Variants in PCDH15 observed in about 807,000 individuals in gnomAD.
The protein encoded by PCDH15 is protocadherin-15.
PCDH15 carries 129 observed loss-of-function variants against 178.5 expected under a neutral mutation model. That is an observed-to-expected ratio of 0.72 (90% CI 0.63 to 0.84). The LOEUF (loss-of-function observed/expected upper bound fraction) is 0.84, where lower values mean the gene tolerates loss of function less well. Among genes scored for constraint, PCDH15 ranks in the 40% least tolerant of loss-of-function variants. The pLI, the probability that PCDH15 is intolerant of heterozygous loss-of-function variation, is 0.00. For missense variants in PCDH15, 2,230 were observed against 2,099.9 expected (o/e 1.06, Z -1.21); for synonymous variants, 800 against 732.0 (o/e 1.09, Z -1.50).
intron 1 of PCDH15, among the ~76,000 whole-genome samples, chr10:55,172,154 T>C (rs1047910459): frequency 2.0e-5 from 3 of 151,822 alleles, no homozygotes; most frequent in Non-Finnish European, 4.4e-5. Context: ...AAAATATAAA[T>C]TGTCAAGAGA....
chr10:53,986,324 A>C (rs988415693), intron 21 of PCDH15, among the ~76,000 whole-genome samples: 4 of 152,222 alleles, frequency 2.6e-5, no homozygotes, highest in Non-Finnish European at 4.4e-5. Flanking sequence ...AATTTTTTTA[A>C]AGTTAGCAAG....
At chr10:55,495,793 C>A (rs1428134220) in intron 2 of PCDH15, among the ~76,000 whole-genome samples, 3 of 151,798 alleles carry the variant, frequency 2.0e-5, no homozygotes, top group African/African-American at 7.2e-5. Context: ...ATGTTCAAAG[C>A]AGCATTATTC....
chr10:54,713,502 G>A (rs192490454), intron 1 of PCDH15, among the ~76,000 whole-genome samples: 4 of 152,084 alleles, frequency 2.6e-5, no homozygotes, highest in Non-Finnish European at 4.4e-5. Flanking sequence ...TTTTTAAAAC[G>A]TTTAAGAAGT....
intron 2 of PCDH15, among the ~76,000 whole-genome samples, chr10:54,952,310 A>G (rs1292836508): frequency 6.6e-6 from 1 of 151,790 alleles, no homozygotes; most frequent in African/African-American, 2.4e-5. Context: ...GAGATTAGCT[A>G]TCTCTATTTG....
intron 2 of PCDH15, among the ~76,000 whole-genome samples, chr10:54,961,258 T>TA (rs1838646673): frequency 6.6e-6 from 1 of 152,150 alleles, no homozygotes; most frequent in East Asian, 1.9e-4. Flanking sequence ...ACTGACATTC[T>TA]AGCCCCCTGC....
intron 1 of PCDH15, among the ~76,000 whole-genome samples, chr10:54,753,075 G>A (rs1291991583): frequency 1.3e-5 from 2 of 152,122 alleles, no homozygotes; most frequent in East Asian, 1.9e-4. Flanking sequence ...TAAGTAAGGA[G>A]TTACCCACAT....
intron 2 of PCDH15, among the ~76,000 whole-genome samples, chr10:54,628,157 G>A (rs2093608463): frequency 6.6e-6 from 1 of 152,010 alleles, no homozygotes; most frequent in Non-Finnish European, 1.5e-5. Context: ...AGGAACCAAG[G>A]GAACAGGTGT....
Position 53,803,689 on chromosome 10 carries a change from A to G in PCDH15, c.*2890T>C, listed in dbSNP as rs1253103933. 2 of 151,930 alleles carry G rather than the reference A, an allele frequency of 1.3e-5. No homozygotes were observed. Among genetic ancestry groups the G allele is most frequent in the African/African-American group, 4.8e-5 (2 of 41,432 alleles). 9.4% of individuals were successfully genotyped at this position (151,930 alleles called of 1,614,324 possible). ...CCTGTGATTCGATGGTCATTAAGTC[A>G]CAAATGTCCTATGTCACTCTGACCA... On this transcript the variant is annotated 3_prime_UTR_variant, in exon 38 of 38. Coordinates refer to ENST00000644397, the MANE Select transcript of PCDH15 (RefSeq NM_001384140.1).
At chr10:53,982,218 G>A (rs925190605) in intron 21 of PCDH15, among the ~76,000 whole-genome samples, 1 of 152,182 alleles carries the variant, frequency 6.6e-6, no homozygotes, top group Non-Finnish European at 1.5e-5. Flanking sequence ...TTACACTGTT[G>A]GTGGGAGTGT....
At chr10:54,525,948 C>T (rs572346955) in intron 3 of PCDH15, among the ~76,000 whole-genome samples, 2 of 152,306 alleles carry the variant, frequency 1.3e-5, no homozygotes, top group African/African-American at 4.8e-5. Context: ...AACATTTACT[C>T]TCTAGATCAG....
At chr10:55,279,259 C>T (rs1036647485) in intron 1 of PCDH15, among the ~76,000 whole-genome samples, 1 of 152,084 alleles carries the variant, frequency 6.6e-6, no homozygotes, top group African/African-American at 2.4e-5. Context: ...AATTGATATG[C>T]GATCTCTGAG....
At chr10:54,897,333 G>A (rs544663120) in intron 3 of PCDH15, 1 of 152,274 alleles carries the variant, frequency 6.6e-6, no homozygotes, top group African/African-American at 2.4e-5. Context: ...GTTGTAACTT[G>A]AATTCAAAAA....
At chr10:54,939,771 A>G (rs1838013312) in intron 2 of PCDH15, among the ~76,000 whole-genome samples, 2 of 152,134 alleles carry the variant, frequency 1.3e-5, no homozygotes, top group African/African-American at 4.8e-5. Context: ...GACTCACTTT[A>G]TGATTCAGAA....
At chr10:55,155,412 C>A (rs970973674) in intron 2 of PCDH15, among the ~76,000 whole-genome samples, 1 of 144,082 alleles carries the variant, frequency 6.9e-6, no homozygotes, top group African/African-American at 2.6e-5. Flanking sequence ...TTAATGAACA[C>A]TAAAGTTCCA....
intron 2 of PCDH15, among the ~76,000 whole-genome samples, chr10:54,556,832 G>C (rs2087344330): frequency 6.6e-6 from 1 of 151,658 alleles, no homozygotes; most frequent in Non-Finnish European, 1.5e-5. Context: ...TGTATTATAA[G>C]CATAATTAGC....
intron 2 of PCDH15, among the ~76,000 whole-genome samples, chr10:55,602,017 T>G (rs1209563269): frequency 6.6e-6 from 1 of 151,950 alleles, no homozygotes; most frequent in Non-Finnish European, 1.5e-5. Context: ...ACGGCGCAGG[T>G]CAGTGGGTGC....
At chr10:54,049,769 C>T (rs890181172) in intron 18 of PCDH15, among the ~76,000 whole-genome samples, 41 of 151,936 alleles carry the variant, frequency 2.7e-4, no homozygotes, top group African/African-American at 9.7e-4. Flanking sequence ...TACAAGCACC[C>T]GCCACCAAGC....
intron 18 of PCDH15, among the ~76,000 whole-genome samples, chr10:54,039,221 G>C (rs2093485604): frequency 6.6e-6 from 1 of 151,986 alleles, no homozygotes; most frequent in Admixed American, 6.6e-5. Context: ...TGTGCCATCT[G>C]TTTGTAATTT....
intron 3 of PCDH15, among the ~76,000 whole-genome samples, chr10:54,490,708 C>A (rs571945145): frequency 2.0e-5 from 3 of 151,958 alleles, no homozygotes; most frequent in Non-Finnish European, 4.4e-5. Flanking sequence ...AAATCTTCAT[C>A]AAAAATATCA....
Sources: gnomAD v4.1 joint callset for allele counts (sites outside exome capture counted in the v4.1 genomes callset) on GRCh38, gnomAD v4.1.1 for gene constraint, MANE v1.5 for transcripts, NCBI Gene and HGNC (gene_info 2026-07-23, HGNC 2026-07-21) for gene names.